The following BBOX1 variants were observed in gnomAD, a reference collection of about 807,000 sequenced individuals.
The protein encoded by BBOX1 is gamma-butyrobetaine dioxygenase.
In BBOX1, 35 loss-of-function variants were observed where a neutral mutation model predicts 41.6. The ratio of observed to expected loss-of-function variants is 0.84; its 90% CI spans 0.64 to 1.11. The LOEUF (loss-of-function observed/expected upper bound fraction) is 1.11. Among genes scored for constraint, BBOX1 ranks in the 50% most tolerant of loss-of-function variants. The pLI is 0.00. For missense variants in BBOX1, 458 were observed against 460.6 expected (o/e 0.99, Z 0.05); for synonymous variants, 163 against 154.7 (o/e 1.05, Z -0.40).
intron 4 of BBOX1, among the ~76,000 whole-genome samples, chr11:27,083,750 C>G (rs1408523787): frequency 6.6e-6 from 1 of 152,020 alleles, no homozygotes; most frequent in Non-Finnish European, 1.5e-5. Context: ...CCCTTTTTCC[C>G]CAACAAGAGA....
Position 27,101,046 on chromosome 11 carries a change from C to T in BBOX1, c.533+7680C>T, listed in dbSNP as rs546364791. ...TGAGAAGAATCATTAACCCATTATC[C>T]CCCAAAAAAATGAGGCAGAAGAATC... On this transcript the variant is annotated intron_variant, in intron 5 of 8. Coordinates refer to ENST00000263182, the MANE Select transcript of BBOX1 (RefSeq NM_003986.3). Among the ~76,000 whole-genome samples the T allele has an allele frequency of 3.3e-5, 5 of 152,016 alleles. No individual in the cohort carries two copies. The South Asian group carries it at 1.0e-3, about 32-fold the overall frequency.
At chr11:27,103,502 C>A (rs1344454911) in intron 5 of BBOX1, among the ~76,000 whole-genome samples, 1 of 150,416 alleles carries the variant, frequency 6.6e-6, no homozygotes, top group Non-Finnish European at 1.5e-5. Context: ...CTTTTAAATT[C>A]TTCTCCCTCT....
chr11:27,102,729 C>T (rs1858707237), intron 5 of BBOX1, among the ~76,000 whole-genome samples: 1 of 152,040 alleles, frequency 6.6e-6, no homozygotes, highest in South Asian at 2.1e-4. Context: ...TCGTAAATTC[C>T]TAAGGAAGGC....
Position 27,115,493 on chromosome 11 carries a change from T to TG in BBOX1, c.577dup (p.Ala193GlyfsTer12). On this transcript the variant is annotated frameshift_variant, in exon 6 of 9. Coordinates refer to ENST00000263182, the MANE Select transcript of BBOX1 (RefSeq NM_003986.3). LOFTEE classifies it high-confidence loss of function. ...CAAGACAAAATCGATGCAAACAATG[T>TG]GGCTTACACAACTGGGAAGCTAAGC... is the stretch of plus-strand genomic sequence containing the variant. The TG allele has an allele frequency of 6.2e-7, 1 of 1,611,238 alleles. No individual in the cohort carries two copies. The highest frequency in any genetic ancestry group is 8.5e-7 in the Non-Finnish European group (1 of 1,178,174).
At chr11:27,096,925 C>T (rs963860744) in intron 5 of BBOX1, among the ~76,000 whole-genome samples, 3 of 151,978 alleles carry the variant, frequency 2.0e-5, no homozygotes, top group Non-Finnish European at 4.4e-5. Context: ...TCATTTTCCA[C>T]ATCTGTATTT....
intron 6 of BBOX1, 23 bp downstream of exon 6, chr11:27,115,580 T>C: frequency 6.3e-7 from 1 of 1,577,262 alleles, no homozygotes; most frequent in Non-Finnish European, 8.7e-7. Flanking sequence ...CAACATATTT[T>C]CCACAAAGCA....
At chr11:27,059,360 G>C (rs1312388531) in intron 4 of BBOX1, among the ~76,000 whole-genome samples, 1 of 152,218 alleles carries the variant, frequency 6.6e-6, no homozygotes, top group Non-Finnish European at 1.5e-5. Flanking sequence ...AGTAATTGCG[G>C]TTTTTGCCAT....
chr11:27,074,147 C>T (rs183650829), intron 4 of BBOX1, among the ~76,000 whole-genome samples: 19 of 152,166 alleles, frequency 1.2e-4, no homozygotes, highest in Admixed American at 5.9e-4. Flanking sequence ...CCTTCACCTT[C>T]CACCATGACT....
intron 4 of BBOX1, among the ~76,000 whole-genome samples, chr11:27,070,536 A>C (rs1260206965): frequency 6.6e-6 from 1 of 151,840 alleles, no homozygotes; most frequent in Non-Finnish European, 1.5e-5. Flanking sequence ...TTTGTTTTTA[A>C]TATAGTTGCT....
At chr11:27,123,611 T>C (rs2134113923) in intron 7 of BBOX1, among the ~76,000 whole-genome samples, 1 of 152,234 alleles carries the variant, frequency 6.6e-6, no homozygotes, top group South Asian at 2.1e-4. Flanking sequence ...TTGCAGTTAA[T>C]ATCAAAAGGC....
chr11:27,051,273 A>T (rs1275974885), intron 2 of BBOX1, among the ~76,000 whole-genome samples: 1 of 151,922 alleles, frequency 6.6e-6, no homozygotes, highest in Non-Finnish European at 1.5e-5. Context: ...GTTTACCAGG[A>T]ATATTGGTCT....
intron 5 of BBOX1, among the ~76,000 whole-genome samples, chr11:27,107,670 G>C (rs1421909492): frequency 6.6e-6 from 1 of 151,892 alleles, no homozygotes; most frequent in Non-Finnish European, 1.5e-5. Context: ...TCTCACCAAG[G>C]CCTCACCACT....
chr11:27,092,121 G>C (rs1858267509), intron 4 of BBOX1, among the ~76,000 whole-genome samples: 1 of 151,922 alleles, frequency 6.6e-6, no homozygotes, highest in Admixed American at 6.6e-5. Flanking sequence ...CAGCTATGCT[G>C]ACATCAAAGA....
At chr11:27,093,922 G>C (rs928761001) in intron 5 of BBOX1, among the ~76,000 whole-genome samples, 1 of 151,802 alleles carries the variant, frequency 6.6e-6, no homozygotes, top group Non-Finnish European at 1.5e-5. Flanking sequence ...ATGAATTTGG[G>C]GGGACATAAT....
chr11:27,111,362 C>T (rs367865593), intron 5 of BBOX1, among the ~76,000 whole-genome samples: 2 of 151,704 alleles, frequency 1.3e-5, no homozygotes, highest in Non-Finnish European at 1.5e-5. Context: ...AAGGAGGGAA[C>T]GGGAAAGGGC....
At chr11:27,095,760 TTTTG>T (rs1264524487) in intron 5 of BBOX1, among the ~76,000 whole-genome samples, 1 of 152,048 alleles carries the variant, frequency 6.6e-6, no homozygotes, top group African/African-American at 2.4e-5. Context: ...TTATTTGCTT[TTTTG>T]TTTTTGTTGA....
chr11:27,083,393 C>T (rs541560058), intron 4 of BBOX1, among the ~76,000 whole-genome samples: 76 of 152,190 alleles, frequency 5.0e-4, no homozygotes, highest in South Asian at 4.1e-3. Context: ...TGAGCCAGCC[C>T]TTGCCTACTT....
At chr11:27,059,913 A>G (rs1172734150) in intron 4 of BBOX1, among the ~76,000 whole-genome samples, 1 of 152,196 alleles carries the variant, frequency 6.6e-6, no homozygotes, top group Non-Finnish European at 1.5e-5. Flanking sequence ...TCACAGGCTT[A>G]TGGGTGGCAG....
intron 7 of BBOX1, among the ~76,000 whole-genome samples, chr11:27,120,249 T>G (rs1859416932): frequency 6.6e-6 from 1 of 152,172 alleles, no homozygotes; most frequent in African/African-American, 2.4e-5. Context: ...TCTTCTATGT[T>G]AGCTTTATTT....
Sources: allele counts gnomAD v4.1 joint callset (sites outside exome capture counted in the v4.1 genomes callset), GRCh38; gene constraint gnomAD v4.1.1; transcripts MANE v1.5; gene names NCBI Gene and HGNC (gene_info 2026-07-23, HGNC 2026-07-21).